The following CEP70 variants were observed in gnomAD, a reference collection of about 807,000 sequenced individuals.
The protein encoded by CEP70 is centrosomal protein 70, also known as centrosomal protein of 70 kDa.
CEP70 carries 70 observed loss-of-function variants against 90.9 expected under a neutral mutation model. The observed-to-expected ratio is 0.77, with a 90% confidence interval of 0.64 to 0.94. CEP70 has a LOEUF of 0.94. CEP70 is among the 40% of genes least tolerant of loss of function. The pLI is 0.00. For synonymous variants in CEP70, 220 were observed against 228.3 expected, an observed-to-expected ratio of 0.96 and a Z score of 0.33; for missense variants, 648 against 669.0, an observed-to-expected ratio of 0.97 and a Z score of 0.35.
At chr3:138,521,416 A>C (rs13070291) in intron 11 of CEP70, among the ~76,000 whole-genome samples, 5 of 134,970 alleles carry the variant, frequency 3.7e-5, no homozygotes, top group Non-Finnish European at 7.8e-5. Context: ...CCCTCTGCCC[A>C]GCCGCCCAGT....
chr3:138,559,939 G>A (rs768469386), intron 6 of CEP70, among the ~76,000 whole-genome samples: 6 of 152,130 alleles, frequency 3.9e-5, no homozygotes, highest in Non-Finnish European at 5.9e-5. Context: ...AAATTAAGGT[G>A]ACAAATACCA....
Position 138,552,072 on chromosome 3 carries a change from A to G in CEP70, c.466-14725T>C, listed in dbSNP as rs372342319. Among the ~76,000 whole-genome samples, 3 of 152,360 alleles carry G rather than the reference A, an allele frequency of 2.0e-5. No individual in the cohort carries two copies. The East Asian group carries it at 5.8e-4, about 29-fold the overall frequency. On this transcript the variant is annotated intron_variant, in intron 6 of 17. Transcript: ENST00000264982. ...TAAAGCAACAGCAGTTAAAAAACAGACAAACAGGGACATTATATAATGATA... is the reference window on the plus strand; with the variant it reads ...TAAAGCAACAGCAGTTAAAAAACAGGCAAACAGGGACATTATATAATGATA...
chr3:138,497,491 G>C (rs1226338551), intron 17 of CEP70: 1 of 969,666 alleles, frequency 1.0e-6, no homozygotes, highest in Non-Finnish European at 1.2e-6. Context: ...TTTGCCTTAT[G>C]AGTCCTAAGC....
intron 6 of CEP70, among the ~76,000 whole-genome samples, chr3:138,547,967 T>C (rs746267558): frequency 8.5e-5 from 13 of 152,170 alleles, no homozygotes; most frequent in Non-Finnish European, 1.9e-4. Flanking sequence ...AGCAAAACCA[T>C]GGATGAGGGG....
chr3:138,548,872 A>G (rs2039412726), intron 6 of CEP70, among the ~76,000 whole-genome samples: 1 of 152,180 alleles, frequency 6.6e-6, no homozygotes, highest in Admixed American at 6.5e-5. Context: ...CACCCCAAAT[A>G]TTGTGAATGC....
chr3:138,513,287 C>G (rs1422540488), intron 11 of CEP70, among the ~76,000 whole-genome samples: 4 of 152,176 alleles, frequency 2.6e-5, no homozygotes, highest in Non-Finnish European at 5.9e-5. Flanking sequence ...TAGTGCCTTG[C>G]CACAAGCATT....
At chr3:138,535,396 A>G (rs1461020551) in intron 7 of CEP70, among the ~76,000 whole-genome samples, 1 of 152,184 alleles carries the variant, frequency 6.6e-6, no homozygotes, top group African/African-American at 2.4e-5. Context: ...ACCTTATAGT[A>G]CATACCACTA....
intron 6 of CEP70, among the ~76,000 whole-genome samples, chr3:138,538,348 C>T (rs1240337880): frequency 1.3e-5 from 2 of 152,130 alleles, no homozygotes; most frequent in African/African-American, 4.8e-5. Context: ...AAACCCTAGC[C>T]AGCTTTTCCA....
chr3:138,524,810 T>C lies in CEP70; in HGVS notation c.944+680A>G, dbSNP rs2037043130. Among the ~76,000 whole-genome samples, 7 of 152,174 alleles carry C rather than the reference T, an allele frequency of 4.6e-5. No individual in the cohort carries two copies. In the South Asian group the frequency reaches 1.0e-3, roughly 23 times the overall value. ...GAGAAATAGGAACACTTTTACACTG[T>C]TGGTGGAACTGTAAACTAGTTCAAC... On this transcript the variant is annotated intron_variant, in intron 11 of 17. Coordinates refer to ENST00000264982, the MANE Select transcript of CEP70 (RefSeq NM_024491.4).
At chr3:138,524,765 C>A (rs978994089) in intron 11 of CEP70, among the ~76,000 whole-genome samples, 5 of 152,122 alleles carry the variant, frequency 3.3e-5, no homozygotes, top group African/African-American at 1.2e-4. Flanking sequence ...CAGGAAACAA[C>A]AGGTGCTGGA....
chr3:138,508,864 G>T (rs1356986244), intron 11 of CEP70, among the ~76,000 whole-genome samples: 1 of 151,910 alleles, frequency 6.6e-6, no homozygotes. Flanking sequence ...CTCCTGAGTA[G>T]CTGGGACTAC....
intron 10 of CEP70, among the ~76,000 whole-genome samples, chr3:138,525,923 A>G (rs2108818170): frequency 6.6e-6 from 1 of 152,220 alleles, no homozygotes; most frequent in East Asian, 1.9e-4. Flanking sequence ...CTTAACTCAA[A>G]CTTTATACAT....
rs751277371 is a variant in CEP70 at position 138,537,200 on chromosome 3, G to A, written c.613C>T (p.Pro205Ser). ...TACTGTCTATCCAAGACGGTATGAG[G>A]AACTCTTTTGCACAGATAGGCAAAC... ...RVFAYLCKRV[P>S]HTVLDRQLLC... is the part of the protein sequence containing the mutation. Residue 205 changes from proline to serine, a missense_variant, in exon 7 of 18, where the codon CCT (proline) becomes TCT (serine). Transcript: ENST00000264982. 6.4e-7 allele frequency: 1 copy of A among 1,573,146 alleles called. No homozygotes were observed. Among genetic ancestry groups the A allele is most frequent in the South Asian group, 1.2e-5 (1 of 82,224 alleles).
intron 2 of CEP70, among the ~76,000 whole-genome samples, chr3:138,583,669 C>G (rs771765652): frequency 5.1e-4 from 77 of 150,110 alleles, no homozygotes; most frequent in Non-Finnish European, 1.5e-4. Context: ...GGAAACTATT[C>G]AAACATATGA....
intron 6 of CEP70, among the ~76,000 whole-genome samples, chr3:138,552,365 G>A (rs1389372473): frequency 6.6e-6 from 1 of 152,182 alleles, no homozygotes; most frequent in Non-Finnish European, 1.5e-5. Flanking sequence ...AACAACTGTA[G>A]AATATACATT....
intron 2 of CEP70, among the ~76,000 whole-genome samples, chr3:138,587,254 C>T (rs556224498): frequency 1.1e-4 from 17 of 149,448 alleles, no homozygotes; most frequent in African/African-American, 3.4e-4. Flanking sequence ...ACAGACAATG[C>T]CTTAAGAGAA....
In CEP70 at chr3:138,560,263, G is replaced by A. The variant is rs375395760; in HGVS notation, c.465+10055C>T. On this transcript the variant is annotated intron_variant, in intron 6 of 17. Transcript: ENST00000264982. ...CTCACCCAGGAAACACAAGGGGTTA[G>A]AGAACTTGCTCTACTAGCCAAGAGA... Among the ~76,000 whole-genome samples, 3 of 152,306 alleles carry A rather than the reference G, an allele frequency of 2.0e-5. No homozygotes were observed. In the East Asian group the frequency reaches 5.8e-4, roughly 29 times the overall value.
chr3:138,534,712 G>A (rs2038114118), intron 7 of CEP70, among the ~76,000 whole-genome samples: 1 of 152,180 alleles, frequency 6.6e-6, no homozygotes, highest in Non-Finnish European at 1.5e-5. Flanking sequence ...GACTTTGGAA[G>A]TTCTCTGGAG....
intron 6 of CEP70, among the ~76,000 whole-genome samples, chr3:138,539,149 C>T (rs1031865241): frequency 2.0e-5 from 3 of 152,046 alleles, no homozygotes; most frequent in Non-Finnish European, 4.4e-5. Context: ...GCTAGGATTA[C>T]CATCACACCT....
Sources: allele counts gnomAD v4.1 joint callset (sites outside exome capture counted in the v4.1 genomes callset), GRCh38; gene constraint gnomAD v4.1.1; transcripts MANE v1.5; gene names NCBI Gene and HGNC (gene_info 2026-07-23, HGNC 2026-07-21).